The following INTS8 variants were observed in gnomAD, a reference collection of about 807,000 sequenced individuals.
INTS8 encodes integrator complex subunit 8.
A neutral mutation model predicts 138.9 loss-of-function variants in INTS8; 47 were observed. The observed-to-expected ratio is 0.34, with a 90% CI of 0.27 to 0.43. The LOEUF (loss-of-function observed/expected upper bound fraction) is 0.43. Among genes scored for constraint, INTS8 ranks in the 20% least tolerant of loss-of-function variants. The pLI, the probability that INTS8 is intolerant of heterozygous loss-of-function variation, is 1.00. For missense variants in INTS8, 996 were observed against 1,173.0 expected (o/e 0.85, Z 2.20); for synonymous variants, 392 against 400.9 (o/e 0.98, Z 0.27).
At position 94,827,303 on chromosome 8, in the gene INTS8, C is replaced by G; in HGVS notation, c.346C>G (p.Leu116Val). 6.2e-7 allele frequency: 1 copy of G among 1,612,966 alleles called. No individual in the cohort carries two copies. The highest frequency in any genetic ancestry group is 1.1e-5 in the South Asian group (1 of 91,058). The change falls in exon 3 of 27, where the codon CTC (leucine) becomes GTC (valine). Residue 116 changes from leucine (L) to valine (V), a missense_variant. Physicochemically the swap from Leu to Val is conservative, Grantham distance 32 (BLOSUM62 1). Transcript: ENST00000523731. Reference sequence around the variant, plus strand: ...ATTGAATATGCTACTAAATGAACTACTCTGCATCAGTAAAGTTCCTCCTGG... The same window carrying G: ...ATTGAATATGCTACTAAATGAACTAGTCTGCATCAGTAAAGTTCCTCCTGG... Reference protein sequence around the residue: ...PVLNMLLNELLCISKVPPGTK... With the variant: ...PVLNMLLNELVCISKVPPGTK...
intron 2 of INTS8, 78 bp from the exon 3 acceptor site, chr8:94,827,185 C>A: frequency 1.6e-6 from 2 of 1,247,346 alleles, no homozygotes; most frequent in South Asian, 1.3e-5. Context: ...GTATTTTCAG[C>A]GAGGATATGG....
chr8:94,823,403 GCC>G lies in INTS8; in HGVS notation c.-27_-26del, dbSNP rs1814353807. The G allele has an allele frequency of 6.6e-7, 1 of 1,517,968 alleles. No homozygotes were observed. Among genetic ancestry groups the G allele is most frequent in the Non-Finnish European group, 8.8e-7 (1 of 1,135,050 alleles). The allele number at this position is 1,517,968 out of a possible 1,614,324, so 94.0% of individuals were successfully genotyped here. A position where few individuals can be genotyped will look rare whatever the true frequency, so the allele number is the denominator to read the frequency against. On this transcript the variant is annotated 5_prime_UTR_variant, in exon 1 of 27. Coordinates refer to ENST00000523731, the MANE Select transcript of INTS8 (RefSeq NM_017864.4). ...AGTGTCAGGTTGGAGCCGGGAAGCG[GCC>G]CTGGTGGTAGCGGCGGCGGGGGCAG...
At chr8:94,874,819 A>G (rs530977918) in intron 23 of INTS8, among the ~76,000 whole-genome samples, 1 of 152,272 alleles carries the variant, frequency 6.6e-6, no homozygotes, top group East Asian at 1.9e-4. Flanking sequence ...TAAACCTCCT[A>G]AGTGGGAAAA....
chr8:94,871,337 G>A (rs532900788), intron 20 of INTS8, among the ~76,000 whole-genome samples: 2 of 151,690 alleles, frequency 1.3e-5, no homozygotes, highest in African/African-American at 2.4e-5. Context: ...AATTAGCTGG[G>A]TGTGGTGGTG....
chr8:94,825,810 G>A (rs969703866), intron 2 of INTS8, among the ~76,000 whole-genome samples: 8 of 148,312 alleles, frequency 5.4e-5, no homozygotes, highest in Non-Finnish European at 1.0e-4. Context: ...TTAAAAAATA[G>A]GAAATAATTG....
intron 12 of INTS8, 47 bp from the exon 13 acceptor site, chr8:94,851,506 C>T (rs753043233): frequency 4.2e-5 from 55 of 1,298,318 alleles, no homozygotes; most frequent in Non-Finnish European, 5.2e-5. Context: ...TTGTTATTCT[C>T]GTGTATATCT....
chr8:94,855,459 T>C (rs6980673), intron 14 of INTS8, among the ~76,000 whole-genome samples: 11,722 of 152,248 alleles, frequency 0.077, 488 homozygotes, highest in Middle Eastern at 0.095. Flanking sequence ...GCTGCCATAT[T>C]AGACAATGCA....
chr8:94,848,314 G>T (rs1456229889), intron 10 of INTS8, among the ~76,000 whole-genome samples: 2 of 152,096 alleles, frequency 1.3e-5, no homozygotes, highest in African/African-American at 4.8e-5. Context: ...CACCAAGCCT[G>T]TTTTTTTAAT....
At position 94,881,198 on chromosome 8, in the gene INTS8, G is replaced by C. The variant is rs1341760175; in HGVS notation, c.*964G>C. 4 of 376,864 alleles carry C rather than the reference G, an allele frequency of 1.1e-5. No individual in the cohort carries two copies. Among genetic ancestry groups the C allele is most frequent in the African/African-American group, 4.1e-5 (2 of 48,298 alleles). The allele number at this position is 376,864 out of a possible 1,614,324, so 23.3% of individuals were successfully genotyped here. A position where few individuals can be genotyped will look rare whatever the true frequency, so the allele number is the denominator to read the frequency against. ...TCAAGAACCAAATTGCACTAGTCAA[G>C]AGTGTAGGAATTTTGAGAATCTAAC... On this transcript the variant is annotated 3_prime_UTR_variant, in exon 27 of 27. Transcript: ENST00000523731.
chr8:94,874,224 G>A (rs1816499278), intron 22 of INTS8, among the ~76,000 whole-genome samples: 1 of 140,134 alleles, frequency 7.1e-6, no homozygotes, highest in Non-Finnish European at 1.5e-5. Flanking sequence ...CCCCATTCCT[G>A]CACCTGGTGT....
chr8:94,825,869 G>T (rs1376268939), intron 2 of INTS8, among the ~76,000 whole-genome samples: 5 of 151,626 alleles, frequency 3.3e-5, no homozygotes, highest in Admixed American at 2.0e-4. Flanking sequence ...TTTTTTCTTT[G>T]TTCTCCATAG....
chr8:94,825,798 A>T (rs573380738), intron 2 of INTS8, among the ~76,000 whole-genome samples: 1 of 151,894 alleles, frequency 6.6e-6, no homozygotes, highest in African/African-American at 2.4e-5. Flanking sequence ...GTTGGGAAAA[A>T]TTTAAAAAAT....
intron 4 of INTS8, 143 bp downstream of exon 4, chr8:94,827,936 G>T: frequency 1.4e-6 from 1 of 714,938 alleles, no homozygotes. Flanking sequence ...TTGTTTGAAG[G>T]AGTTAGAGGG....
intron 26 of INTS8, among the ~76,000 whole-genome samples, chr8:94,877,459 T>C (rs182198586): frequency 9.2e-5 from 14 of 152,316 alleles, no homozygotes; most frequent in African/African-American, 2.9e-4. Flanking sequence ...TTCTCCCTTT[T>C]CTAATTTACC....
intron 10 of INTS8, among the ~76,000 whole-genome samples, chr8:94,845,372 T>C (rs1193808872): frequency 1.3e-5 from 2 of 152,182 alleles, no homozygotes; most frequent in Non-Finnish European, 2.9e-5. Context: ...TGGGCCTGTT[T>C]CTGAGCCATT....
At chr8:94,831,836 G>A (rs1294140659) in intron 5 of INTS8, among the ~76,000 whole-genome samples, 156 bp from the exon 6 acceptor site, 1 of 151,940 alleles carries the variant, frequency 6.6e-6, no homozygotes, top group Non-Finnish European at 1.5e-5. Context: ...CTTCATTTAA[G>A]GTAACTTTAT....
chr8:94,846,061 T>G (rs1249258965), intron 10 of INTS8, among the ~76,000 whole-genome samples: 1 of 152,134 alleles, frequency 6.6e-6, no homozygotes, highest in Non-Finnish European at 1.5e-5. Context: ...TCCATAGAAG[T>G]CTTAAATTTT....
chr8:94,863,815 T>C (rs2131056363), intron 16 of INTS8, among the ~76,000 whole-genome samples: 1 of 152,354 alleles, frequency 6.6e-6, no homozygotes. Flanking sequence ...CTGCAGTGAA[T>C]AGCTGCATGT....
At chr8:94,859,774 GA>G (rs1815885512) in intron 16 of INTS8, 142 bp downstream of exon 16, 5 of 57,950 alleles carry the variant, frequency 8.6e-5, no homozygotes, top group Non-Finnish European at 1.4e-4. Context: ...TTAAAGGATA[GA>G]GTTTTTGATA....
Sources: gnomAD v4.1 joint callset for allele counts (sites outside exome capture counted in the v4.1 genomes callset) on GRCh38, gnomAD v4.1.1 for gene constraint, MANE v1.5 for transcripts, NCBI Gene and HGNC (gene_info 2026-07-23, HGNC 2026-07-21) for gene names.